The following NEDD4 variants were observed in gnomAD, a reference collection of about 807,000 sequenced individuals.
The protein encoded by NEDD4 is NEDD4 E3 ubiquitin protein ligase.
In NEDD4, 99 loss-of-function variants were observed where a neutral mutation model predicts 144.9. The observed-to-expected ratio is 0.68, with a 90% confidence interval of 0.58 to 0.81. NEDD4 has a LOEUF of 0.81. NEDD4 is among the 30% of genes least tolerant of loss of function. The probability of loss-of-function intolerance (pLI) is 0.00; values close to 1 mark genes in which losing one functional copy is unlikely to be tolerated. For missense variants in NEDD4, 985 were observed against 1,065.9 expected, an observed-to-expected ratio of 0.92 and a Z score of 1.06; for synonymous variants, 318 against 350.6, an observed-to-expected ratio of 0.91 and a Z score of 1.04.
chr15:55,865,225 AG>A (rs1283108231), intron 8 of NEDD4, among the ~76,000 whole-genome samples: 5 of 150,260 alleles, frequency 3.3e-5, no homozygotes, highest in South Asian at 2.1e-4. Flanking sequence ...AAAACTTTAT[AG>A]GAATTTAGAA....
intron 12 of NEDD4, among the ~76,000 whole-genome samples, chr15:55,854,056 C>T (rs2034097084): frequency 6.6e-6 from 1 of 151,982 alleles, no homozygotes; most frequent in South Asian, 2.1e-4. Flanking sequence ...GAGGCTGAAG[C>T]AGGAGAATCA....
At chr15:55,843,725 A>G (rs1422478246) in intron 18 of NEDD4, among the ~76,000 whole-genome samples, 1 of 152,208 alleles carries the variant, frequency 6.6e-6, no homozygotes, top group African/African-American at 2.4e-5. Flanking sequence ...TAAGCATGAT[A>G]TGAGCAGTTT....
In NEDD4 at chr15:55,834,284, T is replaced by C. The variant is rs777669514; in HGVS notation, c.2265A>G (p.Gly755=). ...IQKQMAAFKE[G]FFELIPQDLI... Reference sequence around the variant, plus strand: ...GATCCTGTGGTATTAGTTCAAAGAATCCCTAGAAAAAAGATGTATTTAAAA... The same window carrying C: ...GATCCTGTGGTATTAGTTCAAAGAACCCCTAGAAAAAAGATGTATTTAAAA... The change falls in exon 25 of 29, where the codon GGA becomes GGG. Residue 755 remains glycine (G), a splice_region_variant and synonymous_variant. Transcript: ENST00000435532. The C allele has an allele frequency of 6.2e-7, 1 of 1,601,024 alleles. No individual in the cohort carries two copies. The highest frequency in any genetic ancestry group is 1.1e-5 in the South Asian group (1 of 90,626).
intron 4 of NEDD4, among the ~76,000 whole-genome samples, chr15:55,936,718 T>C (rs1391950558): frequency 1.3e-5 from 2 of 152,162 alleles, no homozygotes; most frequent in African/African-American, 4.8e-5. Context: ...AACATGTGCA[T>C]TGCACCTAAT....
chr15:55,959,381 C>T (rs1201458464), intron 2 of NEDD4, among the ~76,000 whole-genome samples: 5 of 152,164 alleles, frequency 3.3e-5, no homozygotes, highest in Admixed American at 6.5e-5. Flanking sequence ...TGATTTCAAT[C>T]TTTTGAAAAC....
At chr15:55,841,457 C>T (rs1228945534) in intron 19 of NEDD4, among the ~76,000 whole-genome samples, 1 of 152,106 alleles carries the variant, frequency 6.6e-6, no homozygotes, top group East Asian at 1.9e-4. Flanking sequence ...GAATGGGGAG[C>T]GAGTGCTTAC....
At chr15:55,973,859 G>GAA (rs2037656032) in intron 1 of NEDD4, among the ~76,000 whole-genome samples, 1 of 149,926 alleles carries the variant, frequency 6.7e-6, no homozygotes, top group Admixed American at 6.6e-5. Flanking sequence ...ACCTAGCTAT[G>GAA]CATCTTAAAG....
At chr15:55,948,790 T>C (rs1444767443) in intron 4 of NEDD4, among the ~76,000 whole-genome samples, 1 of 152,176 alleles carries the variant, frequency 6.6e-6, no homozygotes, top group African/African-American at 2.4e-5. Flanking sequence ...TTACACCTTA[T>C]ACAAAAATTA....
intron 4 of NEDD4, among the ~76,000 whole-genome samples, chr15:55,935,185 T>C (rs1331570312): frequency 6.6e-6 from 1 of 152,134 alleles, no homozygotes; most frequent in Non-Finnish European, 1.5e-5. Context: ...GCATTTTTCT[T>C]GCTTCATTTA....
At chr15:55,876,101 T>C (rs2034983828) in intron 5 of NEDD4, among the ~76,000 whole-genome samples, 1 of 152,204 alleles carries the variant, frequency 6.6e-6, no homozygotes, top group African/African-American at 2.4e-5. Flanking sequence ...AACTGAATGA[T>C]ATCTATAAGT....
intron 1 of NEDD4, among the ~76,000 whole-genome samples, chr15:55,989,511 G>A (rs904468864): frequency 1.3e-5 from 2 of 152,172 alleles, no homozygotes; most frequent in Admixed American, 1.3e-4. Context: ...CTCAGCCTTA[G>A]TGGGTCCAGA....
chr15:55,860,113 G>A (rs2034342287), intron 11 of NEDD4, among the ~76,000 whole-genome samples: 1 of 152,150 alleles, frequency 6.6e-6, no homozygotes, highest in Admixed American at 6.5e-5. Context: ...AATGGTGCGT[G>A]TTCTCCCTTG....
chr15:55,843,066 T>G (rs1284238663), intron 18 of NEDD4, among the ~76,000 whole-genome samples: 38 of 152,160 alleles, frequency 2.5e-4, no homozygotes, highest in African/African-American at 8.2e-4. Context: ...CATCTAATGG[T>G]TTCTATGCAC....
chr15:55,844,842 C>G (rs1359249580), intron 18 of NEDD4, among the ~76,000 whole-genome samples: 1 of 146,030 alleles, frequency 6.8e-6, no homozygotes, highest in Non-Finnish European at 1.5e-5. Flanking sequence ...GAGTACTGCT[C>G]TGTCATTCAG....
At chr15:55,887,693 A>G (rs2035438005) in intron 5 of NEDD4, among the ~76,000 whole-genome samples, 1 of 152,188 alleles carries the variant, frequency 6.6e-6, no homozygotes, top group Non-Finnish European at 1.5e-5. Flanking sequence ...AGAAAACTAC[A>G]GGGCCAAATT....
At chr15:55,865,857 T>C (rs947899628) in intron 8 of NEDD4, among the ~76,000 whole-genome samples, 15 of 152,160 alleles carry the variant, frequency 9.9e-5, no homozygotes, top group African/African-American at 2.7e-4. Context: ...TAGCTCTGTA[T>C]AGAAGGTGAC....
intron 4 of NEDD4, among the ~76,000 whole-genome samples, chr15:55,926,516 T>G (rs933981810): frequency 1.2e-4 from 19 of 152,114 alleles, no homozygotes; most frequent in Non-Finnish European, 2.4e-4. Flanking sequence ...ACACCTGTCA[T>G]CCCAGCACTC....
In NEDD4 at chr15:55,828,471, T is replaced by C. The variant is rs2032792758; in HGVS notation, c.*1426A>G. 6.6e-6 allele frequency: 1 copy of C among 152,220 alleles called. No homozygotes were observed. Among genetic ancestry groups the C allele is most frequent in the South Asian group, 2.1e-4 (1 of 4,832 alleles). The allele number at this position is 152,220 out of a possible 1,614,324, so 9.4% of individuals were successfully genotyped here. ...AATACAGTCTTGGCACACTTTATCTTTGCAGGTGTGCTGGAACCTAGAACA... is the reference window on the plus strand; with the variant it reads ...AATACAGTCTTGGCACACTTTATCTCTGCAGGTGTGCTGGAACCTAGAACA... On this transcript the variant is annotated 3_prime_UTR_variant, in exon 29 of 29. Transcript: ENST00000435532.
intron 4 of NEDD4, among the ~76,000 whole-genome samples, chr15:55,949,897 A>C (rs1973571): frequency 5.9e-5 from 9 of 151,990 alleles, no homozygotes; most frequent in African/African-American, 1.9e-4. Flanking sequence ...ACGTGTATAC[A>C]TATGTAACAA....
Sources: gnomAD v4.1 joint callset for allele counts (sites outside exome capture counted in the v4.1 genomes callset) on GRCh38, gnomAD v4.1.1 for gene constraint, MANE v1.5 for transcripts, NCBI Gene and HGNC (gene_info 2026-07-23, HGNC 2026-07-21) for gene names.